WDR72: variants seen among roughly 807,000 people sequenced by gnomAD.
WDR72 encodes the protein WD repeat-containing protein 72.
A neutral mutation model predicts 124.2 loss-of-function variants in WDR72; 120 were observed. That is an observed-to-expected ratio of 0.97 (90% confidence interval 0.83 to 1.12). The LOEUF (loss-of-function observed/expected upper bound fraction) is 1.12, where lower values mean the gene tolerates loss of function less well. WDR72 is among the 50% of genes most tolerant of loss of function. WDR72 has a pLI of 0.00. For missense variants in WDR72, 1,387 were observed against 1,278.8 expected (o/e 1.08, Z -1.29); for synonymous variants, 452 against 441.7 (o/e 1.02, Z -0.29).
At position 53,656,260 on chromosome 15, in the gene WDR72, TACAA is replaced by T. The variant is rs558238087; in HGVS notation, c.1962+9308_1962+9311del. 2.2e-3 allele frequency among the ~76,000 whole-genome samples: 330 copies of T among 152,300 alleles called. 3 individuals carry two copies. Among genetic ancestry groups the T allele is most frequent in the African/African-American group, 7.7e-3 (319 of 41,570 alleles). ...ATAAGCTATATAGTATGAAAAAAAT[TACAA>T]ATAAATAAACGTCATTTGGAGATGC... is the stretch of plus-strand genomic sequence containing the variant. On this transcript the variant is annotated intron_variant, in intron 14 of 19. Transcript: ENST00000360509.
chr15:53,671,854 GCTAGT>G (rs1222449584), intron 13 of WDR72, among the ~76,000 whole-genome samples: 1 of 151,988 alleles, frequency 6.6e-6, no homozygotes, highest in East Asian at 1.9e-4. Flanking sequence ...AACAGAAGAT[GCTAGT>G]CTAAAGATGA....
At chr15:53,572,330 T>C (rs914327877) in intron 18 of WDR72, among the ~76,000 whole-genome samples, 2 of 152,162 alleles carry the variant, frequency 1.3e-5, no homozygotes, top group Non-Finnish European at 2.9e-5. Context: ...CCCTGTTTTC[T>C]TCTAGCAGTT....
chr15:53,721,537 G>T (rs1301324490), intron 3 of WDR72, among the ~76,000 whole-genome samples: 1 of 152,148 alleles, frequency 6.6e-6, no homozygotes, highest in Non-Finnish European at 1.5e-5. Context: ...TTTCACTTTA[G>T]ACTTATCCAA....
At chr15:53,713,617 A>C (rs965738805) in intron 6 of WDR72, among the ~76,000 whole-genome samples, 7 of 150,914 alleles carry the variant, frequency 4.6e-5, no homozygotes, top group African/African-American at 1.5e-4. Flanking sequence ...CTCCCTGCTA[A>C]ATTTTTTTTT....
rs1387138609 is a variant in WDR72, at chr15:53,645,119, CTG to C, written c.1962+20451_1962+20452del. Among the ~76,000 whole-genome samples the C allele has an allele frequency of 2.0e-5, 3 of 152,128 alleles. 1 individual carries two copies. The highest frequency in any genetic ancestry group is 6.3e-3 in the Middle Eastern group (2 of 316). ...TTAAAGTGGAGCCTGCTTTAGCGAA[CTG>C]TATCTAACTATATATCAGCCCTGAT... On this transcript the variant is annotated intron_variant, in intron 14 of 19. Transcript: ENST00000360509.
chr15:53,722,414 C>T (rs751199900), intron 3 of WDR72, among the ~76,000 whole-genome samples: 1 of 152,120 alleles, frequency 6.6e-6, no homozygotes, highest in Non-Finnish European at 1.5e-5. Context: ...ACTATGAAAG[C>T]TTGGATGGGT....
chr15:53,626,552 G>T (rs748607329), intron 14 of WDR72, among the ~76,000 whole-genome samples: 1 of 152,196 alleles, frequency 6.6e-6, no homozygotes, highest in Non-Finnish European at 1.5e-5. Context: ...AGATTTAACA[G>T]AGTGAAAACA....
At chr15:53,595,162 T>C (rs1232723152) in intron 18 of WDR72, among the ~76,000 whole-genome samples, 1 of 152,168 alleles carries the variant, frequency 6.6e-6, no homozygotes, top group African/African-American at 2.4e-5. Context: ...TATCACAGAT[T>C]AACCACAAAT....
chr15:53,597,029 A>G (rs767296010), intron 18 of WDR72, 50 bp downstream of exon 18: 1 of 1,569,318 alleles, frequency 6.4e-7, no homozygotes, highest in Non-Finnish European at 8.8e-7. Context: ...GAGACTATCT[A>G]TAGTAGAAAA....
chr15:53,722,547 T>A (rs1043307506), intron 3 of WDR72, among the ~76,000 whole-genome samples: 1 of 152,174 alleles, frequency 6.6e-6, no homozygotes, highest in Non-Finnish European at 1.5e-5. Context: ...TGCTACAAGT[T>A]CTGATACACA....
chr15:53,590,489 T>TA (rs940650345), intron 18 of WDR72, among the ~76,000 whole-genome samples: 1 of 152,076 alleles, frequency 6.6e-6, no homozygotes, highest in African/African-American at 2.4e-5. Flanking sequence ...TTTCTGTTGT[T>TA]ATGACAAAAT....
At chr15:53,533,094 A>G (rs1053473469) in intron 18 of WDR72, among the ~76,000 whole-genome samples, 1 of 152,068 alleles carries the variant, frequency 6.6e-6, no homozygotes, top group Non-Finnish European at 1.5e-5. Context: ...AACCAACCAC[A>G]AGGAAACCAA....
intron 19 of WDR72, 64 bp from the exon 20 acceptor site, chr15:53,517,818 C>T (rs1891546753): frequency 6.7e-7 from 1 of 1,485,870 alleles, no homozygotes; most frequent in South Asian, 1.1e-5. Context: ...AAGAGAAAGA[C>T]CAAGAGGAGG....
intron 1 of WDR72, among the ~76,000 whole-genome samples, chr15:53,736,338 G>A (rs949849002): frequency 7.9e-5 from 12 of 152,122 alleles, no homozygotes; most frequent in African/African-American, 2.9e-4. Context: ...CCAAATGTGG[G>A]GGCAGCTGCA....
At chr15:53,640,429 T>C (rs890166115) in intron 14 of WDR72, among the ~76,000 whole-genome samples, 4 of 152,144 alleles carry the variant, frequency 2.6e-5, no homozygotes, top group Non-Finnish European at 5.9e-5. Context: ...TGATGTAGAA[T>C]TTGGGGTAAT....
chr15:53,585,959 A>G (rs1046664069), intron 18 of WDR72, among the ~76,000 whole-genome samples: 1 of 152,050 alleles, frequency 6.6e-6, no homozygotes, highest in Non-Finnish European at 1.5e-5. Context: ...GTCTATTCCT[A>G]TGTGAAGCCT....
chr15:53,682,427 C>T (rs991618833), intron 13 of WDR72, among the ~76,000 whole-genome samples: 9 of 152,092 alleles, frequency 5.9e-5, no homozygotes, highest in African/African-American at 2.2e-4. Flanking sequence ...ACTTACATGC[C>T]TCTCTTCAGT....
chr15:53,673,945 C>A (rs1225871223), intron 13 of WDR72, among the ~76,000 whole-genome samples: 1 of 151,842 alleles, frequency 6.6e-6, no homozygotes, highest in Non-Finnish European at 1.5e-5. Context: ...GACCTGAGAT[C>A]GCGCCATTGC....
chr15:53,665,442 T>C (rs2015744267), intron 14 of WDR72, 130 bp downstream of exon 14: 2 of 989,214 alleles, frequency 2.0e-6, no homozygotes, highest in Admixed American at 2.0e-5. Context: ...CCAAGATTAC[T>C]TGGTAGATGC....
Sources: gnomAD v4.1 joint callset for allele counts (sites outside exome capture counted in the v4.1 genomes callset) on GRCh38, gnomAD v4.1.1 for gene constraint, MANE v1.5 for transcripts, NCBI Gene and HGNC (gene_info 2026-07-23, HGNC 2026-07-21) for gene names.